OR5K3: variants seen among roughly 807,000 people sequenced by gnomAD.
The protein encoded by OR5K3 is olfactory receptor family 5 subfamily K member 3, also known as olfactory receptor 5K3.
For synonymous variants in OR5K3, 178 were observed against 132.6 expected (o/e 1.34, Z -2.35); for missense variants, 498 against 383.2 (o/e 1.30, Z -2.50).
rs1707456755 is a variant in OR5K3 at position 98,390,754 on chromosome 3, T to G, written c.89T>G (p.Val30Gly). 3.1e-6 allele frequency: 5 copies of G among 1,614,088 alleles called. No homozygotes were observed. The highest frequency in any genetic ancestry group is 1.3e-5 in the African/African-American group (1 of 74,940). Reference protein sequence around the residue: ...HPKLKTVLFVVFFAIYLITMV... With the variant: ...HPKLKTVLFVGFFAIYLITMV... ...AAGCTGAAGACTGTTCTGTTTGTGGTGTTCTTTGCCATCTATCTGATCACC... is the reference window on the plus strand; with the variant it reads ...AAGCTGAAGACTGTTCTGTTTGTGGGGTTCTTTGCCATCTATCTGATCACC... Residue 30 changes from valine (V) to glycine (G), a missense_variant, in exon 1 of 1, where the codon GTG becomes GGG. Transcript: ENST00000383695.
rs760936958 is a variant in OR5K3, at chr3:98,391,010, G to A, written c.345G>A (p.Leu115=). The A allele has an allele frequency of 5.0e-6, 8 of 1,614,054 alleles. No homozygotes were observed. In the African/African-American group the frequency reaches 9.3e-5, roughly 19 times the overall value. Residue 115 remains leucine, a synonymous_variant, in exon 1 of 1, where the codon CTG becomes CTA. Coordinates refer to ENST00000383695, the MANE Select transcript of OR5K3 (RefSeq NM_001005516.1). The part of the protein sequence containing the change: ...CLAETTDCFL[L]AAMAYDCYVA... ...CTGAAACTACAGACTGCTTTCTTCT[G>A]GCGGCAATGGCCTATGACTGCTATG...
In OR5K3 at chr3:98,391,160, G is replaced by T. The variant is rs1176182391; in HGVS notation, c.495G>T (p.Arg165Ser). The T allele has an allele frequency of 1.2e-6, 2 of 1,614,042 alleles. No homozygotes were observed. The highest frequency in any genetic ancestry group is 1.7e-6 in the Non-Finnish European group (2 of 1,180,016). ...TGATTGAAGTAGAGTTTCTGTTGAG[G>T]TTAACTTTCTGTGGGTCTCATCAAA... ...HPMIEVEFLL[R>S]LTFCGSHQIN... The change falls in exon 1 of 1, where the codon AGG (arginine) becomes AGT (serine). Residue 165 changes from arginine to serine, a missense_variant. Coordinates refer to ENST00000383695, the MANE Select transcript of OR5K3 (RefSeq NM_001005516.1).
rs1199037567 is a variant in OR5K3, at chr3:98,391,192, A to AT, written c.533dup (p.Cys179LeufsTer2). 4 of 1,613,464 alleles carry AT rather than the reference A, an allele frequency of 2.5e-6. No individual in the cohort carries two copies. Among genetic ancestry groups the AT allele is most frequent in the Non-Finnish European group, 3.4e-6 (4 of 1,179,776 alleles). Reference sequence around the variant, plus strand: ...TTCTGTGGGTCTCATCAAATCAATCATTTTTTCTGTGATGTTCTTCCATTA... The same window carrying AT: ...TTCTGTGGGTCTCATCAAATCAATCATTTTTTTCTGTGATGTTCTTCCATTA... On this transcript the variant is annotated frameshift_variant, in exon 1 of 1. Coordinates refer to ENST00000383695, the MANE Select transcript of OR5K3 (RefSeq NM_001005516.1). LOFTEE classifies it low-confidence loss of function (END_TRUNC).
Position 98,391,041 on chromosome 3 carries a change from A to G in OR5K3, c.376A>G (p.Ile126Val). The part of the protein sequence containing the change: ...AAMAYDCYVA[I>V]CNPLQYHTMM... ...AATGGCCTATGACTGCTATGTGGCCATATGCAACCCACTGCAGTACCACAC... is the reference window on the plus strand; with the variant it reads ...AATGGCCTATGACTGCTATGTGGCCGTATGCAACCCACTGCAGTACCACAC... Residue 126 changes from isoleucine to valine, a missense_variant, in exon 1 of 1, where the codon ATA becomes GTA. Ile to Val is a conservative substitution (Grantham distance 29, BLOSUM62 3). Coordinates refer to ENST00000383695, the MANE Select transcript of OR5K3 (RefSeq NM_001005516.1). 2 of 1,614,204 alleles carry G rather than the reference A, an allele frequency of 1.2e-6. No individual in the cohort carries two copies. Among genetic ancestry groups the G allele is most frequent in the African/African-American group, 2.7e-5 (2 of 75,066 alleles).
Position 98,391,368 on chromosome 3 carries a change from G to C in OR5K3, c.703G>C (p.Ala235Pro). The change falls in exon 1 of 1, where the codon GCT becomes CCT. Residue 235 changes from alanine to proline, a missense_variant. Ala to Pro is a conservative substitution (Grantham distance 27, BLOSUM62 -1). Coordinates refer to ENST00000383695, the MANE Select transcript of OR5K3 (RefSeq NM_001005516.1). ...TMKSKEGRGK[A>P]LSTCASHFLS... The stretch of plus-strand genomic sequence containing the variant: ...GAAATCCAAGGAGGGAAGAGGCAAA[G>C]CTTTATCTACTTGTGCATCTCACTT... The C allele has an allele frequency of 6.2e-7, 1 of 1,609,298 alleles. No homozygotes were observed. Among genetic ancestry groups the C allele is most frequent in the Non-Finnish European group, 8.5e-7 (1 of 1,178,700 alleles).
rs1707466107 is a variant in OR5K3, at chr3:98,391,232, T to A, written c.567T>A (p.Cys189Ter). 1 of 1,610,570 alleles carries A rather than the reference T, an allele frequency of 6.2e-7. No homozygotes were observed. Among genetic ancestry groups the A allele is most frequent in the Non-Finnish European group, 8.5e-7 (1 of 1,176,986 alleles). The stretch of plus-strand genomic sequence containing the variant: ...TTCTTCCATTATATAGACTTTCTTG[T>A]ATTAACCCTTATATCAATGAATTGG... ...CDVLPLYRLS[C>*]INPYINELVL... Residue 189 changes from cysteine (C) to a stop codon, truncating the protein, a stop_gained, in exon 1 of 1, where the codon TGT becomes TGA. Coordinates refer to ENST00000383695, the MANE Select transcript of OR5K3 (RefSeq NM_001005516.1). LOFTEE classifies it low-confidence loss of function (END_TRUNC).
In OR5K3 at chr3:98,390,912, G is replaced by C. The variant is rs1707461586; in HGVS notation, c.247G>C (p.Glu83Gln). The C allele has an allele frequency of 1.2e-6, 2 of 1,614,108 alleles. No individual in the cohort carries two copies. The highest frequency in any genetic ancestry group is 1.7e-5 in the Admixed American group (1 of 60,010). ...CSSAITPKMLENFFSEDKRIT... is the reference protein window; with the variant it reads ...CSSAITPKMLQNFFSEDKRIT... Reference sequence around the variant, plus strand: ...CTCTGCTATTACTCCCAAGATGTTAGAGAACTTCTTTTCTGAGGACAAAAG... The same window carrying C: ...CTCTGCTATTACTCCCAAGATGTTACAGAACTTCTTTTCTGAGGACAAAAG... The change falls in exon 1 of 1, where the codon GAG becomes CAG. Residue 83 changes from glutamate (E) to glutamine (Q), a missense_variant. By Grantham distance (29) the Glu-to-Gln change is conservative (BLOSUM62 2). Coordinates refer to ENST00000383695, the MANE Select transcript of OR5K3 (RefSeq NM_001005516.1).
Position 98,391,432 on chromosome 3 carries a change from T to A in OR5K3, c.767T>A (p.Met256Lys). 1 of 1,606,100 alleles carries A rather than the reference T, an allele frequency of 6.2e-7. No homozygotes were observed. Among genetic ancestry groups the A allele is most frequent in the South Asian group, 1.1e-5 (1 of 88,582 alleles). ...VSIFCDSLLF[M>K]YARPGAVNEG... is the part of the protein sequence containing the mutation. Reference sequence around the variant, plus strand: ...ATATTCTGTGATTCCCTTCTCTTCATGTATGCTCGACCAGGTGCAGTTAAT... The same window carrying A: ...ATATTCTGTGATTCCCTTCTCTTCAAGTATGCTCGACCAGGTGCAGTTAAT... Residue 256 changes from methionine (M) to lysine (K), a missense_variant, in exon 1 of 1, where the codon ATG becomes AAG. Met to Lys is a moderately conservative substitution (Grantham distance 95). Transcript: ENST00000383695.
At position 98,391,233 on chromosome 3, in the gene OR5K3, A is replaced by G. The variant is rs1343950628; in HGVS notation, c.568A>G (p.Ile190Val). 2 of 1,610,866 alleles carry G rather than the reference A, an allele frequency of 1.2e-6. No homozygotes were observed. The highest frequency in any genetic ancestry group is 1.7e-6 in the Non-Finnish European group (2 of 1,177,248). ...DVLPLYRLSC[I>V]NPYINELVLF... ...TCTTCCATTATATAGACTTTCTTGT[A>G]TTAACCCTTATATCAATGAATTGGT... The change falls in exon 1 of 1, where the codon ATT (isoleucine) becomes GTT (valine). Residue 190 changes from isoleucine to valine, a missense_variant. Physicochemically the swap from Ile to Val is conservative, Grantham distance 29. Coordinates refer to ENST00000383695, the MANE Select transcript of OR5K3 (RefSeq NM_001005516.1).
Position 98,391,229 on chromosome 3 carries a change from T to C in OR5K3, c.564T>C (p.Ser188=), listed in dbSNP as rs1707466068. 6.2e-7 allele frequency: 1 copy of C among 1,611,826 alleles called. No individual in the cohort carries two copies. The change falls in exon 1 of 1, where the codon TCT becomes TCC. Residue 188 remains serine, a synonymous_variant. Coordinates refer to ENST00000383695, the MANE Select transcript of OR5K3 (RefSeq NM_001005516.1). ...FCDVLPLYRL[S]CINPYINELV... ...ATGTTCTTCCATTATATAGACTTTC[T>C]TGTATTAACCCTTATATCAATGAAT... is the stretch of plus-strand genomic sequence containing the variant.
chr3:98,390,813 T>C lies in OR5K3; in HGVS notation c.148T>C (p.Tyr50His), dbSNP rs1707458661. 1 of 1,614,178 alleles carries C rather than the reference T, an allele frequency of 6.2e-7. No homozygotes were observed. Among genetic ancestry groups the C allele is most frequent in the Non-Finnish European group, 8.5e-7 (1 of 1,180,008 alleles). Residue 50 changes from tyrosine to histidine, a missense_variant, in exon 1 of 1, where the codon TAT becomes CAT. Tyr to His is a moderately conservative substitution (Grantham distance 83, BLOSUM62 2). Transcript: ENST00000383695. ...GAACATTGGTTTGGTGGCATTGATT[T>C]ATATAGAGCAACGTCTTCACACACC... is the stretch of plus-strand genomic sequence containing the variant. ...VGNIGLVALIYIEQRLHTPMY... is the reference protein window; with the variant it reads ...VGNIGLVALIHIEQRLHTPMY...
rs1271136117 is a variant in OR5K3 at position 98,391,432 on chromosome 3, T to G, written c.767T>G (p.Met256Arg). 11 of 1,605,982 alleles carry G rather than the reference T, an allele frequency of 6.8e-6. No individual in the cohort carries two copies. Among genetic ancestry groups the G allele is most frequent in the East Asian group, 2.2e-5 (1 of 44,808 alleles). ...VSIFCDSLLF[M>R]YARPGAVNEG... ...ATATTCTGTGATTCCCTTCTCTTCA[T>G]GTATGCTCGACCAGGTGCAGTTAAT... The change falls in exon 1 of 1, where the codon ATG (methionine) becomes AGG (arginine). Residue 256 changes from methionine (M) to arginine (R), a missense_variant. Transcript: ENST00000383695.
In OR5K3 at chr3:98,391,271, G is replaced by A. The variant is rs973961315; in HGVS notation, c.606G>A (p.Leu202=). The change falls in exon 1 of 1, where the codon TTG becomes TTA. Residue 202 remains leucine (L), a synonymous_variant. Transcript: ENST00000383695. ...TCAATGAATTGGTGTTATTTATCTT[G>A]GCAGGATCAATTCAAATCTTTACTA... ...PYINELVLFI[L]AGSIQIFTIV... The A allele has an allele frequency of 1.2e-6, 2 of 1,607,656 alleles. No homozygotes were observed. Among genetic ancestry groups the A allele is most frequent in the Non-Finnish European group, 1.7e-6 (2 of 1,175,024 alleles).
chr3:98,391,350 A>G lies in OR5K3; in HGVS notation c.685A>G (p.Lys229Glu), dbSNP rs555204981. The G allele has an allele frequency of 4.3e-6, 7 of 1,611,248 alleles. No individual in the cohort carries two copies. In the African/African-American group the frequency reaches 9.3e-5, roughly 22 times the overall value. ...ILFTIFTMKSKEGRGKALSTC... is the reference protein window; with the variant it reads ...ILFTIFTMKSEEGRGKALSTC... ...TTTCACAATATTTACAATGAAATCC[A>G]AGGAGGGAAGAGGCAAAGCTTTATC... The change falls in exon 1 of 1, where the codon AAG (lysine) becomes GAG (glutamate). Residue 229 changes from lysine to glutamate, a missense_variant. Transcript: ENST00000383695.
chr3:98,391,433 GTA>G lies in OR5K3; in HGVS notation c.770_771del (p.Tyr257CysfsTer7). 4 of 1,605,054 alleles carry G rather than the reference GTA, an allele frequency of 2.5e-6. No individual in the cohort carries two copies. The South Asian group carries it at 4.5e-5, about 18-fold the overall frequency. On this transcript the variant is annotated frameshift_variant, in exon 1 of 1. Transcript: ENST00000383695. LOFTEE classifies it low-confidence loss of function (END_TRUNC). ...SIFCDSLLFM[Y>X]ARPGAVNEGD... is the part of the protein sequence containing the mutation. ...TATTCTGTGATTCCCTTCTCTTCAT[GTA>G]TGCTCGACCAGGTGCAGTTAATGAA...
rs570461806 is a variant in OR5K3 at position 98,391,169 on chromosome 3, C to T, written c.504C>T (p.Phe168=). The change falls in exon 1 of 1, where the codon TTC becomes TTT. Residue 168 remains phenylalanine, a synonymous_variant. Coordinates refer to ENST00000383695, the MANE Select transcript of OR5K3 (RefSeq NM_001005516.1). ...IEVEFLLRLT[F]CGSHQINHFF... ...TAGAGTTTCTGTTGAGGTTAACTTT[C>T]TGTGGGTCTCATCAAATCAATCATT... 4.1e-4 allele frequency: 666 copies of T among 1,614,020 alleles called. 7 individuals are homozygous for T. The South Asian group carries it at 7.0e-3, about 17-fold the overall frequency.
At position 98,390,717 on chromosome 3, in the gene OR5K3, A is replaced by G. The variant is rs1707456214; in HGVS notation, c.52A>G (p.Thr18Ala). The G allele has an allele frequency of 5.0e-6, 8 of 1,614,122 alleles. No homozygotes were observed. Among genetic ancestry groups the G allele is most frequent in the Non-Finnish European group, 5.9e-6 (7 of 1,179,948 alleles). ...LIAEFILTGF[T>A]YHPKLKTVLF... ...AGCTGAGTTCATCCTCACAGGATTT[A>G]CATATCATCCAAAGCTGAAGACTGT... Residue 18 changes from threonine (T) to alanine (A), a missense_variant, in exon 1 of 1, where the codon ACA (threonine) becomes GCA (alanine). Physicochemically the swap from Thr to Ala is moderately conservative, Grantham distance 58. Transcript: ENST00000383695.
At position 98,391,471 on chromosome 3, in the gene OR5K3, A is replaced by G. The variant is rs184695591; in HGVS notation, c.806A>G (p.Asp269Gly). 1.9e-6 allele frequency: 3 copies of G among 1,541,032 alleles called. No homozygotes were observed. Among genetic ancestry groups the G allele is most frequent in the East Asian group, 2.3e-5 (1 of 44,380 alleles). The change falls in exon 1 of 1, where the codon GAT (aspartate) becomes GGT (glycine). Residue 269 changes from aspartate (D) to glycine (G), a missense_variant. Asp to Gly is a moderately conservative substitution (Grantham distance 94). Coordinates refer to ENST00000383695, the MANE Select transcript of OR5K3 (RefSeq NM_001005516.1). ...RPGAVNEGDKDIPVAIFYTLV... is the reference protein window; with the variant it reads ...RPGAVNEGDKGIPVAIFYTLV... ...GGTGCAGTTAATGAAGGGGATAAAG[A>G]TATACCTGTTGCTATATTTTATACT...
chr3:98,391,179 C>T lies in OR5K3; in HGVS notation c.514C>T (p.His172Tyr). ...GTTGAGGTTAACTTTCTGTGGGTCT[C>T]ATCAAATCAATCATTTTTTCTGTGA... ...FLLRLTFCGS[H>Y]QINHFFCDVL... The change falls in exon 1 of 1, where the codon CAT (histidine) becomes TAT (tyrosine). Residue 172 changes from histidine to tyrosine, a missense_variant. His to Tyr is a moderately conservative substitution (Grantham distance 83). Transcript: ENST00000383695. 1 of 1,614,028 alleles carries T rather than the reference C, an allele frequency of 6.2e-7. No individual in the cohort carries two copies. Among genetic ancestry groups the T allele is most frequent in the Non-Finnish European group, 8.5e-7 (1 of 1,179,958 alleles).
Sources: gnomAD v4.1 joint callset for allele counts on GRCh38, gnomAD v4.1.1 for gene constraint, MANE v1.5 for transcripts, NCBI Gene and HGNC (gene_info 2026-07-23, HGNC 2026-07-21) for gene names.